The following LCP1 variants were observed in gnomAD, a reference collection of about 807,000 sequenced individuals.
LCP1 encodes the protein plastin-2.
In LCP1, 23 loss-of-function variants were observed where a neutral mutation model predicts 72.0. The ratio of observed to expected loss-of-function variants is 0.32; its 90% confidence interval spans 0.23 to 0.45. LCP1 has a LOEUF of 0.45. Ranked by LOEUF, LCP1 falls within the 20% of genes least tolerant of loss-of-function variation. The probability of loss-of-function intolerance (pLI) is 1.00; values close to 1 mark genes in which losing one functional copy is unlikely to be tolerated. For missense variants in LCP1, 571 were observed against 748.3 expected, an observed-to-expected ratio of 0.76 and a Z score of 2.76; for synonymous variants, 245 against 275.4, an observed-to-expected ratio of 0.89 and a Z score of 1.09.
intron 6 of LCP1, 194 bp from the exon 7 acceptor site, chr13:46,153,139 C>A: frequency 1.9e-6 from 1 of 533,224 alleles, no homozygotes; most frequent in Non-Finnish European, 3.3e-6. Flanking sequence ...AGACACCGAC[C>A]ACTCATGCAG....
intron 13 of LCP1, 110 bp from the exon 14 acceptor site, chr13:46,134,360 C>T: frequency 1.2e-6 from 1 of 867,214 alleles, no homozygotes; most frequent in Non-Finnish European, 1.8e-6. Flanking sequence ...AGAAGACAGT[C>T]TGGACACCAT....
intron 4 of LCP1, 92 bp from the exon 5 acceptor site, chr13:46,156,662 CAG>C (rs1183943899): frequency 2.2e-6 from 3 of 1,354,594 alleles, no homozygotes; most frequent in Non-Finnish European, 2.1e-6. Flanking sequence ...TCATTCCCAG[CAG>C]AGAGATGTGA....
chr13:46,130,619 G>A (rs1385811354), intron 15 of LCP1, among the ~76,000 whole-genome samples, 195 bp downstream of exon 15: 1 of 150,702 alleles, frequency 6.6e-6, no homozygotes, highest in African/African-American at 2.4e-5. Flanking sequence ...TCCCATTCTG[G>A]CACTAGAAGT....
At chr13:46,138,143 CTGTCCACCCTGAGAA>C (rs1362943740) in intron 13 of LCP1, among the ~76,000 whole-genome samples, 1 of 152,206 alleles carries the variant, frequency 6.6e-6, no homozygotes, top group Non-Finnish European at 1.5e-5. Context: ...TGTTTGCCAA[CTGTCCACCCTGAGAA>C]TGATTTCCAA....
At chr13:46,160,774 TG>T (rs1302145739) in intron 1 of LCP1, among the ~76,000 whole-genome samples, 1 of 152,204 alleles carries the variant, frequency 6.6e-6, no homozygotes, top group African/African-American at 2.4e-5. Flanking sequence ...TGAAGTTTGT[TG>T]AACTTACTGG....
chr13:46,158,837 C>G lies in LCP1; in HGVS notation c.217G>C (p.Glu73Gln), dbSNP rs2045820003. The stretch of plus-strand genomic sequence containing the variant: ...TGCATGGTACTCACCTTGATAAACT[C>G]ATCAAAGCTGATCCTTCCATCTTGG... The part of the protein sequence containing the change: ...LDQDGRISFD[E>Q]FIKIFHGLKS... Residue 73 changes from glutamate to glutamine, a missense_variant, in exon 3 of 16, where the codon GAG becomes CAG. Transcript: ENST00000323076. 1 of 1,614,124 alleles carries G rather than the reference C, an allele frequency of 6.2e-7. No individual in the cohort carries two copies. The highest frequency in any genetic ancestry group is 8.5e-7 in the Non-Finnish European group (1 of 1,180,012).
At chr13:46,175,317 C>T (rs1401257126) in intron 1 of LCP1, among the ~76,000 whole-genome samples, 3 of 152,168 alleles carry the variant, frequency 2.0e-5, no homozygotes, top group African/African-American at 4.8e-5. Context: ...ACCCACATCA[C>T]ACCTAGCGAG....
At chr13:46,167,525 C>CCT (rs2045883195) in intron 1 of LCP1, among the ~76,000 whole-genome samples, 1 of 152,178 alleles carries the variant, frequency 6.6e-6, no homozygotes, top group Admixed American at 6.5e-5. Flanking sequence ...TAGCATCTCT[C>CCT]TCCTTCCCTG....
chr13:46,142,709 C>T (rs1160039990), intron 12 of LCP1: 2 of 532,378 alleles, frequency 3.8e-6, no homozygotes, highest in Non-Finnish European at 3.6e-6. Flanking sequence ...AATGGAGAGC[C>T]ATCCTTAATT....
At chr13:46,168,005 T>C (rs968955173) in intron 1 of LCP1, among the ~76,000 whole-genome samples, 2 of 152,110 alleles carry the variant, frequency 1.3e-5, no homozygotes, top group Non-Finnish European at 2.9e-5. Context: ...GCACAGAGGC[T>C]TATCAAAAAA....
intron 1 of LCP1, among the ~76,000 whole-genome samples, chr13:46,160,100 C>T (rs889925771): frequency 3.3e-5 from 5 of 152,194 alleles, no homozygotes; most frequent in African/African-American, 9.7e-5. Context: ...TGACATGAGA[C>T]ATTTAAGCCA....
rs1391223169 is a variant in LCP1 at position 46,126,649 on chromosome 13, T to TGGC, written c.*941_*942insGCC. 4.3e-6 allele frequency: 1 copy of TGGC among 231,762 alleles called. No individual in the cohort carries two copies. The highest frequency in any genetic ancestry group is 2.2e-5 in the African/African-American group (1 of 45,270). 14.4% of individuals were successfully genotyped at this position (231,762 alleles called of 1,614,324 possible). The stretch of plus-strand genomic sequence containing the variant: ...GATTGCCTCCAAATGTTGACAGGTA[T>TGGC]TAGCCATACCACAGTAACTAGATCT... On this transcript the variant is annotated 3_prime_UTR_variant, in exon 16 of 16. Transcript: ENST00000323076.
At chr13:46,175,072 C>G (rs138911397) in intron 1 of LCP1, among the ~76,000 whole-genome samples, 1 of 152,068 alleles carries the variant, frequency 6.6e-6, no homozygotes, top group Non-Finnish European at 1.5e-5. Flanking sequence ...TTCTGTGACC[C>G]CAGACAAGTC....
chr13:46,171,658 C>T (rs1437318559), intron 1 of LCP1, among the ~76,000 whole-genome samples: 1 of 152,208 alleles, frequency 6.6e-6, no homozygotes, highest in Non-Finnish European at 1.5e-5. Flanking sequence ...AGCAGAGAAT[C>T]CTTGCTCCTG....
At chr13:46,162,857 G>A (rs1194969964) in intron 1 of LCP1, among the ~76,000 whole-genome samples, 4 of 148,516 alleles carry the variant, frequency 2.7e-5, no homozygotes, top group Admixed American at 2.7e-4. Flanking sequence ...GAGGTGAGGA[G>A]CGTCTCTGCA....
intron 1 of LCP1, among the ~76,000 whole-genome samples, chr13:46,171,409 C>T (rs2045903931): frequency 6.6e-6 from 1 of 152,158 alleles, no homozygotes; most frequent in Non-Finnish European, 1.5e-5. Flanking sequence ...TTACTTAGGA[C>T]TGGGCCCTTC....
At chr13:46,146,506 G>A (rs137979099) in intron 10 of LCP1, among the ~76,000 whole-genome samples, 186 of 152,276 alleles carry the variant, frequency 1.2e-3, no homozygotes, top group African/African-American at 4.3e-3. Context: ...CAAAAACTCA[G>A]TAAGCATATC....
intron 13 of LCP1, 143 bp from the exon 14 acceptor site, chr13:46,134,393 C>G: frequency 1.5e-6 from 1 of 654,390 alleles, no homozygotes; most frequent in African/African-American, 1.8e-5. Flanking sequence ...AAAAAAAGAA[C>G]ATATTACAAC....
intron 1 of LCP1, among the ~76,000 whole-genome samples, chr13:46,179,864 G>T (rs946208250): frequency 4.6e-5 from 7 of 151,990 alleles, no homozygotes; most frequent in African/African-American, 1.7e-4. Flanking sequence ...GTAAAATTAT[G>T]CATTAATTTA....
Sources: allele counts gnomAD v4.1 joint callset (sites outside exome capture counted in the v4.1 genomes callset), GRCh38; gene constraint gnomAD v4.1.1; transcripts MANE v1.5; gene names NCBI Gene and HGNC (gene_info 2026-07-23, HGNC 2026-07-21).